MICU3: variants seen among roughly 807,000 people sequenced by gnomAD.
The protein encoded by MICU3 is calcium uptake protein 3, mitochondrial.
MICU3 carries 62 observed loss-of-function variants against 66.5 expected under a neutral mutation model. The ratio of observed to expected loss-of-function variants is 0.93; its 90% CI spans 0.76 to 1.15. The LOEUF (loss-of-function observed/expected upper bound fraction) is 1.15, where lower values mean the gene tolerates loss of function less well. MICU3 is among the 50% of genes most tolerant of loss of function. MICU3 has a pLI of 0.00. For synonymous variants in MICU3, 308 were observed against 240.7 expected, an observed-to-expected ratio of 1.28 and a Z score of -2.59; for missense variants, 779 against 664.4, an observed-to-expected ratio of 1.17 and a Z score of -1.90.
the MICU3 span, chr8:17,131,113 T>G: frequency 1.3e-5 from 2 of 152,184 alleles, no homozygotes; most frequent in Non-Finnish European, 2.9e-5. Flanking sequence ...AAACCACCAT[T>G]TAAACAAGGA....
Position 17,064,224 on chromosome 8 carries a change from A to G in MICU3, c.522A>G (p.Thr174=), listed in dbSNP as rs750182296. The stretch of plus-strand genomic sequence containing the variant: ...ATGATTTTATTTTGGCTGTTACAAC[A>G]GATGAGCCCAAAGGTAAGTACACTT... The part of the protein sequence containing the change: ...TPYDFILAVT[T]DEPKVAKTWK... Residue 174 remains threonine (T), a synonymous_variant, in exon 2 of 15, where the codon ACA becomes ACG. Coordinates refer to ENST00000318063, the MANE Select transcript of MICU3 (RefSeq NM_181723.3). The G allele has an allele frequency of 6.2e-7, 1 of 1,611,614 alleles. No individual in the cohort carries two copies. The highest frequency in any genetic ancestry group is 8.5e-7 in the Non-Finnish European group (1 of 1,178,640).
chr8:17,030,820 CCTTA>C (rs1811894596), intron 1 of MICU3, among the ~76,000 whole-genome samples: 1 of 152,124 alleles, frequency 6.6e-6, no homozygotes, highest in Admixed American at 6.5e-5. Flanking sequence ...AATATTAATA[CCTTA>C]CTTCTATTTG....
intron 3 of MICU3, among the ~76,000 whole-genome samples, chr8:17,071,240 G>A (rs1267372304): frequency 1.3e-5 from 2 of 152,094 alleles, no homozygotes; most frequent in Non-Finnish European, 2.9e-5. Context: ...AAATATCACA[G>A]ATTGAGTGGG....
At chr8:17,046,452 C>A (rs890868263) in intron 1 of MICU3, among the ~76,000 whole-genome samples, 2 of 152,138 alleles carry the variant, frequency 1.3e-5, no homozygotes, top group African/African-American at 4.8e-5. Flanking sequence ...AAAGTTTTAT[C>A]ATTTTGGTTT....
chr8:17,027,772 A>C, intron 1 of MICU3, 112 bp downstream of exon 1: 1 of 1,210,658 alleles, frequency 8.3e-7, no homozygotes, highest in Non-Finnish European at 1.0e-6. Flanking sequence ...GCGGGTGAGG[A>C]ACTTCCCGTG....
chr8:17,106,575 T>C (rs899901263), intron 11 of MICU3, among the ~76,000 whole-genome samples: 1 of 150,716 alleles, frequency 6.6e-6, no homozygotes, highest in Non-Finnish European at 1.5e-5. Flanking sequence ...TTTTATTAAA[T>C]GGAAATATTA....
chr8:17,104,163 AT>A (rs1295036874), intron 9 of MICU3, among the ~76,000 whole-genome samples: 8 of 152,056 alleles, frequency 5.3e-5, no homozygotes, highest in African/African-American at 1.9e-4. Context: ...ATCTTCAAAA[AT>A]TTTTGAGTAC....
chr8:17,057,844 G>C (rs1056527336), intron 1 of MICU3, among the ~76,000 whole-genome samples: 1 of 151,846 alleles, frequency 6.6e-6, no homozygotes, highest in African/African-American at 2.4e-5. Flanking sequence ...TCTTGTTGTT[G>C]TTGTTGTTGT....
At chr8:17,070,691 A>G (rs1413166467) in intron 3 of MICU3, among the ~76,000 whole-genome samples, 2 of 151,558 alleles carry the variant, frequency 1.3e-5, no homozygotes, top group Admixed American at 1.3e-4. Flanking sequence ...GTCCTTAACT[A>G]GTTAAAGGGA....
At chr8:17,065,097 A>T (rs973843341) in intron 2 of MICU3, among the ~76,000 whole-genome samples, 3 of 152,156 alleles carry the variant, frequency 2.0e-5, no homozygotes, top group African/African-American at 4.8e-5. Flanking sequence ...GTATTTTTTT[A>T]AAAAATAATT....
intron 1 of MICU3, among the ~76,000 whole-genome samples, chr8:17,043,825 C>A (rs1417257815): frequency 6.6e-6 from 1 of 152,160 alleles, no homozygotes; most frequent in African/African-American, 2.4e-5. Context: ...AAATCAAAGT[C>A]AAGACGTCCT....
rs746149322 is a variant in MICU3, at chr8:17,104,994, CAAAAAA to C, written c.1086-394_1086-389del. Among the ~76,000 whole-genome samples the C allele has an allele frequency of 1.1e-3, 10 of 8,718 alleles. 1 individual carries two copies. Among genetic ancestry groups the C allele is most frequent in the Non-Finnish European group, 1.1e-3 (7 of 6,360 alleles). The allele number at this position is 8,718 out of a possible 152,430, so 5.7% of individuals were successfully genotyped here. A position where few individuals can be genotyped will look rare whatever the true frequency, so the allele number is the denominator to read the frequency against. On this transcript the variant is annotated intron_variant, in intron 10 of 14. Coordinates refer to ENST00000318063, the MANE Select transcript of MICU3 (RefSeq NM_181723.3). ...TGGGCGACAGAGCGAGACTCCGTCTCAAAAAAAAAAAAAAAAAAAAAAAAAAAAAAT... is the reference window on the plus strand; with the variant it reads ...TGGGCGACAGAGCGAGACTCCGTCTCAAAAAAAAAAAAAAAAAAAAAAAAT...
chr8:17,035,494 G>A (rs962266309), intron 1 of MICU3, among the ~76,000 whole-genome samples: 9 of 152,182 alleles, frequency 5.9e-5, no homozygotes, highest in African/African-American at 2.2e-4. Flanking sequence ...GATCTCTAAT[G>A]GAGACGAGGA....
At position 17,118,120 on chromosome 8, in the gene MICU3, GC is replaced by G. The variant is rs1270713742; in HGVS notation, c.1525-585del. On this transcript the variant is annotated intron_variant, in intron 13 of 14. Coordinates refer to ENST00000318063, the MANE Select transcript of MICU3 (RefSeq NM_181723.3). ...AGTTACATTGAAAATCGTTTATTTTGCCTCAAAAATTTTAGAGGAGCAAGAT... is the reference window on the plus strand; with the variant it reads ...AGTTACATTGAAAATCGTTTATTTTGCTCAAAAATTTTAGAGGAGCAAGAT... Among the ~76,000 whole-genome samples the G allele has an allele frequency of 3.3e-5, 5 of 152,176 alleles. No individual in the cohort carries two copies. In the South Asian group the frequency reaches 1.0e-3, roughly 32 times the overall value.
intron 4 of MICU3, among the ~76,000 whole-genome samples, chr8:17,081,393 A>G (rs906460987): frequency 1.3e-5 from 2 of 152,060 alleles, no homozygotes; most frequent in Non-Finnish European, 1.5e-5. Flanking sequence ...TTGTGTTAAG[A>G]GTCGTACATT....
chr8:17,056,735 C>T (rs768546696), intron 1 of MICU3, among the ~76,000 whole-genome samples: 5 of 152,134 alleles, frequency 3.3e-5, no homozygotes, highest in East Asian at 1.9e-4. Flanking sequence ...AATTAGGAAT[C>T]GATGTGGAGC....
intron 1 of MICU3, among the ~76,000 whole-genome samples, chr8:17,037,215 C>A (rs1323004459): frequency 6.6e-6 from 1 of 152,236 alleles, no homozygotes; most frequent in African/African-American, 2.4e-5. Flanking sequence ...TACCTCCCTG[C>A]AAGCTGAGGG....
chr8:17,122,475 G>A lies in MICU3; in HGVS notation c.*2188G>A, dbSNP rs1803265040. On this transcript the variant is annotated 3_prime_UTR_variant, in exon 15 of 15. Transcript: ENST00000318063. ...TAAAATTCATATTAAACTTTTTACAGAAAGCATACATGATAAACAGTTTAT... is the reference window on the plus strand; with the variant it reads ...TAAAATTCATATTAAACTTTTTACAAAAAGCATACATGATAAACAGTTTAT... 6.6e-6 allele frequency: 1 copy of A among 151,808 alleles called. No homozygotes were observed. Among genetic ancestry groups the A allele is most frequent in the Admixed American group, 6.6e-5 (1 of 15,244 alleles). 9.4% of individuals were successfully genotyped at this position (151,808 alleles called of 1,614,324 possible).
At chr8:17,031,070 A>C (rs1214415222) in intron 1 of MICU3, among the ~76,000 whole-genome samples, 2 of 151,944 alleles carry the variant, frequency 1.3e-5, no homozygotes, top group Non-Finnish European at 2.9e-5. Context: ...ATTTTTCAGA[A>C]ATACTATTTT....
Sources: gnomAD v4.1 joint callset for allele counts (sites outside exome capture counted in the v4.1 genomes callset) on GRCh38, gnomAD v4.1.1 for gene constraint, MANE v1.5 for transcripts, NCBI Gene and HGNC (gene_info 2026-07-23, HGNC 2026-07-21) for gene names.